Variants in CALCR observed in about 807,000 individuals in gnomAD.
CALCR encodes calcitonin receptor.
CALCR carries 47 observed loss-of-function variants against 59.5 expected under a neutral mutation model. The observed-to-expected ratio is 0.79, with a 90% CI of 0.63 to 1.01. The LOEUF (loss-of-function observed/expected upper bound fraction) is 1.01. Among genes scored for constraint, CALCR ranks in the 50% least tolerant of loss-of-function variants. The pLI, the probability that CALCR is intolerant of heterozygous loss-of-function variation, is 0.00. For synonymous variants in CALCR, 213 were observed against 211.3 expected (o/e 1.01, Z -0.07); for missense variants, 566 against 597.1 (o/e 0.95, Z 0.54).
chr7:93,571,935 G>T (rs996329806), intron 2 of CALCR, among the ~76,000 whole-genome samples: 3 of 151,954 alleles, frequency 2.0e-5, no homozygotes, highest in Admixed American at 6.6e-5. Context: ...CTTTCAAAAG[G>T]GTACGTATTT....
At chr7:93,535,170 A>G (rs903926144) in intron 2 of CALCR, among the ~76,000 whole-genome samples, 3 of 151,720 alleles carry the variant, frequency 2.0e-5, no homozygotes, top group African/African-American at 4.8e-5. Flanking sequence ...AAAACTCACT[A>G]TTATTGAATC....
chr7:93,545,920 A>G (rs996136060), intron 2 of CALCR, among the ~76,000 whole-genome samples: 6 of 152,144 alleles, frequency 3.9e-5, no homozygotes, highest in Non-Finnish European at 8.8e-5. Context: ...AGTAGGGGCT[A>G]AACAAGTGAA....
At chr7:93,554,488 C>T (rs761257844) in intron 2 of CALCR, among the ~76,000 whole-genome samples, 11 of 151,970 alleles carry the variant, frequency 7.2e-5, no homozygotes, top group Non-Finnish European at 1.6e-4. Context: ...TTAACCCTGT[C>T]ATAATTCATT....
chr7:93,532,792 A>G (rs984425872), intron 2 of CALCR, among the ~76,000 whole-genome samples: 2 of 145,390 alleles, frequency 1.4e-5, no homozygotes, highest in Non-Finnish European at 1.5e-5. Context: ...CAGGAATTCA[A>G]TACAAATCTA....
intron 2 of CALCR, among the ~76,000 whole-genome samples, chr7:93,565,485 A>G (rs1238036198): frequency 6.6e-6 from 1 of 152,228 alleles, no homozygotes; most frequent in Admixed American, 6.5e-5. Context: ...TATTCACTAA[A>G]ATAACACATC....
chr7:93,541,333 C>T (rs930819447), intron 2 of CALCR, among the ~76,000 whole-genome samples: 1 of 152,026 alleles, frequency 6.6e-6, no homozygotes, highest in African/African-American at 2.4e-5. Flanking sequence ...ACCATCACTC[C>T]CGGCTATTTT....
intron 9 of CALCR, among the ~76,000 whole-genome samples, chr7:93,439,548 C>A (rs1252029409): frequency 6.6e-6 from 1 of 152,070 alleles, no homozygotes; most frequent in Non-Finnish European, 1.5e-5. Context: ...ACGCCCAGGG[C>A]TCTTTGCCTT....
At chr7:93,515,613 C>A (rs1394458312) in intron 2 of CALCR, among the ~76,000 whole-genome samples, 1 of 152,006 alleles carries the variant, frequency 6.6e-6, no homozygotes, top group Non-Finnish European at 1.5e-5. Context: ...TATACACATA[C>A]ACCATTTGCA....
intron 2 of CALCR, chr7:93,559,659 C>T (rs1348936591): frequency 6.6e-6 from 1 of 151,456 alleles, no homozygotes; most frequent in Non-Finnish European, 1.5e-5. Context: ...TTTAATGGAG[C>T]AAAGCTAATC....
chr7:93,568,590 T>G (rs1479377592), intron 2 of CALCR, among the ~76,000 whole-genome samples: 1 of 149,930 alleles, frequency 6.7e-6, no homozygotes, highest in Non-Finnish European at 1.5e-5. Flanking sequence ...CTCTGTCTTT[T>G]TTTTGCAGGA....
intron 2 of CALCR, among the ~76,000 whole-genome samples, chr7:93,555,879 C>G (rs1789590550): frequency 6.6e-6 from 1 of 152,076 alleles, no homozygotes; most frequent in Admixed American, 6.6e-5. Flanking sequence ...AGTTTTTCTG[C>G]CCTATTTTTA....
chr7:93,522,177 A>G (rs1397427500), intron 2 of CALCR, among the ~76,000 whole-genome samples: 1 of 152,198 alleles, frequency 6.6e-6, no homozygotes, highest in Non-Finnish European at 1.5e-5. Context: ...AAGTTTATCA[A>G]CTTAAAAATT....
intron 8 of CALCR, among the ~76,000 whole-genome samples, chr7:93,448,649 ATTCTC>A (rs1260578072): frequency 6.6e-6 from 1 of 152,030 alleles, no homozygotes; most frequent in Non-Finnish European, 1.5e-5. Context: ...ACAGTTAAAA[ATTCTC>A]TTCTCAGTTA....
At chr7:93,561,346 G>C (rs182598489) in intron 2 of CALCR, among the ~76,000 whole-genome samples, 1 of 151,932 alleles carries the variant, frequency 6.6e-6, no homozygotes, top group African/African-American at 2.4e-5. Context: ...ACCATAAAAT[G>C]CTACTGCCTA....
chr7:93,554,005 T>A (rs921437167), intron 2 of CALCR, among the ~76,000 whole-genome samples: 1 of 152,178 alleles, frequency 6.6e-6, no homozygotes, highest in South Asian at 2.1e-4. Flanking sequence ...GAAACCTATT[T>A]GTCATTTCTG....
At chr7:93,430,934 G>A (rs776826881) in intron 13 of CALCR, among the ~76,000 whole-genome samples, 6 of 152,340 alleles carry the variant, frequency 3.9e-5, no homozygotes, top group Non-Finnish European at 7.3e-5. Context: ...GAAAGACATT[G>A]TATTGAAAAT....
rs1211207213 is a variant in CALCR, at chr7:93,424,937, T to C, written c.*1419A>G. The C allele has an allele frequency of 1.3e-5, 2 of 152,624 alleles. No individual in the cohort carries two copies. Among genetic ancestry groups the C allele is most frequent in the African/African-American group, 4.8e-5 (2 of 41,454 alleles). The allele number at this position is 152,624 out of a possible 1,614,324, so 9.5% of individuals were successfully genotyped here. Reference sequence around the variant, plus strand: ...GTAACCATAACAAATCAATTTATTATCTTTCCACAACTAAATCACTTCTGA... The same window carrying C: ...GTAACCATAACAAATCAATTTATTACCTTTCCACAACTAAATCACTTCTGA... On this transcript the variant is annotated 3_prime_UTR_variant, in exon 14 of 14. Coordinates refer to ENST00000426151, the MANE Select transcript of CALCR (RefSeq NM_001742.4).
Position 93,433,123 on chromosome 7 carries a change from T to C in CALCR, c.1191+1130A>G, listed in dbSNP as rs574148616. 3.9e-5 allele frequency among the ~76,000 whole-genome samples: 6 copies of C among 152,312 alleles called. No homozygotes were observed. In the South Asian group the frequency reaches 1.2e-3, roughly 32 times the overall value. On this transcript the variant is annotated intron_variant, in intron 13 of 13. Transcript: ENST00000426151. ...AATAGGAACAACAAAAACTTTGTCA[T>C]GTTGCGGTTGGAAACGGGTATGAAC...
intron 2 of CALCR, among the ~76,000 whole-genome samples, chr7:93,568,331 A>T (rs1290640312): frequency 6.6e-6 from 1 of 152,178 alleles, no homozygotes; most frequent in Non-Finnish European, 1.5e-5. Flanking sequence ...ATTATTGTGT[A>T]CAATCAGTGT....
Sources: allele counts gnomAD v4.1 joint callset (sites outside exome capture counted in the v4.1 genomes callset), GRCh38; gene constraint gnomAD v4.1.1; transcripts MANE v1.5; gene names NCBI Gene and HGNC (gene_info 2026-07-23, HGNC 2026-07-21).